ARHGEF11: variants seen among roughly 807,000 people sequenced by gnomAD.
ARHGEF11 encodes Rho guanine nucleotide exchange factor 11, also known as Rho guanine exchange factor (GEF) 11.
Under a neutral mutation model 193.7 loss-of-function variants are expected in ARHGEF11, and 55 were observed. The observed-to-expected ratio is 0.28, with a 90% CI of 0.23 to 0.36. The LOEUF (loss-of-function observed/expected upper bound fraction) is 0.36, where lower values mean the gene tolerates loss of function less well. Ranked by LOEUF, ARHGEF11 falls within the 10% of genes least tolerant of loss-of-function variation. The pLI, the probability that ARHGEF11 is intolerant of heterozygous loss-of-function variation, is 1.00. For synonymous variants in ARHGEF11, 693 were observed against 768.0 expected (o/e 0.90, Z 1.62); for missense variants, 1,723 against 2,005.6 (o/e 0.86, Z 2.69).
intron 1 of ARHGEF11, among the ~76,000 whole-genome samples, chr1:156,991,710 A>ATTTTTTTTTTTTTTTTTTT (rs57140356): frequency 4.8e-5 from 4 of 83,956 alleles, no homozygotes; most frequent in Non-Finnish European, 7.0e-5. Context: ...TTTCAAGCTT[A>ATTTTTTTTTTTTTTTTTTT]TTTTTTTTTT....
At position 156,947,692 on chromosome 1, in the gene ARHGEF11, C is replaced by T. The variant is rs563017291; in HGVS notation, c.2341+77G>A. The T allele has an allele frequency of 4.5e-6, 7 of 1,548,456 alleles. No individual in the cohort carries two copies. In the South Asian group the frequency reaches 6.1e-5, roughly 14 times the overall value. The stretch of plus-strand genomic sequence containing the variant: ...CCCCCCACCCTATTTACCTCTTTCC[C>T]ACCCTTGTGTCTTAGGCATTCTGGA... On this transcript the variant is annotated intron_variant, in intron 25 of 40. Transcript: ENST00000368194.
chr1:156,937,536 G>C, intron 38 of ARHGEF11, 40 bp from the exon 39 acceptor site: 1 of 1,502,004 alleles, frequency 6.7e-7, no homozygotes, highest in Non-Finnish European at 8.9e-7. Context: ...GAGGCAAACA[G>C]AGAAGTCGAA....
In ARHGEF11 at chr1:156,976,971, C is replaced by A. The variant is rs1363851659; in HGVS notation, c.582+12G>T. On this transcript the variant is annotated intron_variant, in intron 7 of 40. Coordinates refer to ENST00000368194, the MANE Select transcript of ARHGEF11 (RefSeq NM_198236.3). ...CAGGCAATGGCCAGTCTACCCTTGGCAGTGACCTTACCTGTAATTCTTTTT... is the reference window on the plus strand; with the variant it reads ...CAGGCAATGGCCAGTCTACCCTTGGAAGTGACCTTACCTGTAATTCTTTTT... 2 of 1,612,860 alleles carry A rather than the reference C, an allele frequency of 1.2e-6. No homozygotes were observed. Among genetic ancestry groups the A allele is most frequent in the Admixed American group, 3.3e-5 (2 of 60,020 alleles).
chr1:156,975,666 T>C (rs1377141533), intron 7 of ARHGEF11, among the ~76,000 whole-genome samples: 1 of 152,240 alleles, frequency 6.6e-6, no homozygotes, highest in Non-Finnish European at 1.5e-5. Flanking sequence ...AAATTTTTTC[T>C]AGGAGTTTTA....
intron 15 of ARHGEF11, among the ~76,000 whole-genome samples, chr1:156,959,676 C>T (rs994980958): frequency 6.6e-6 from 1 of 152,206 alleles, no homozygotes; most frequent in African/African-American, 2.4e-5. Context: ...TTACCCTATG[C>T]CTGGGCTTTC....
intron 1 of ARHGEF11, among the ~76,000 whole-genome samples, chr1:156,993,812 C>CAG: frequency 6.6e-6 from 1 of 152,314 alleles, no homozygotes; most frequent in East Asian, 1.9e-4. Flanking sequence ...CGGCTGTTTG[C>CAG]AGACAACCGC....
In ARHGEF11 at chr1:156,972,486, C is replaced by T. The variant is rs565748531; in HGVS notation, c.583-670G>A. ...GGAGTGAGATTATGTATATGAAGTG[C>T]TTAGCAGAATGTCTAGCGCAAAGTC... On this transcript the variant is annotated intron_variant, in intron 7 of 40. Coordinates refer to ENST00000368194, the MANE Select transcript of ARHGEF11 (RefSeq NM_198236.3). Among the ~76,000 whole-genome samples the T allele has an allele frequency of 2.0e-5, 3 of 152,342 alleles. No individual in the cohort carries two copies. In the South Asian group the frequency reaches 6.2e-4, roughly 32 times the overall value.
chr1:156,938,574 A>C, intron 37 of ARHGEF11, 61 bp from the exon 38 acceptor site: 1 of 1,535,378 alleles, frequency 6.5e-7, no homozygotes, highest in Non-Finnish European at 9.0e-7. Flanking sequence ...AAGGGAAGGG[A>C]GAGAGAACAG....
At chr1:157,006,862 C>T (rs866321653) in intron 1 of ARHGEF11, among the ~76,000 whole-genome samples, 1 of 152,204 alleles carries the variant, frequency 6.6e-6, no homozygotes, top group Non-Finnish European at 1.5e-5. Flanking sequence ...CCCAGTGAAG[C>T]ACCCTGAGAA....
chr1:156,995,036 CAATT>C (rs1209624444), intron 1 of ARHGEF11, among the ~76,000 whole-genome samples: 1 of 152,166 alleles, frequency 6.6e-6, no homozygotes, highest in African/African-American at 2.4e-5. Flanking sequence ...CAAATCCAAT[CAATT>C]GACAAGTCCT....
At chr1:156,950,956 T>G (rs1010415146) in intron 22 of ARHGEF11, among the ~76,000 whole-genome samples, 3 of 152,252 alleles carry the variant, frequency 2.0e-5, no homozygotes, top group African/African-American at 7.2e-5. Flanking sequence ...AGATGGGGAC[T>G]CTAGTTAGAA....
Position 156,968,083 on chromosome 1 carries a change from T to C in ARHGEF11, c.867A>G (p.Leu289=). ...NRNSVLSDPG[L]DSPRTSPVIM... Reference sequence around the variant, plus strand: ...TCACAGGGGAGGTTCGAGGACTGTCTAGCCCAGGGTCTGACAGTACCGAGT... The same window carrying C: ...TCACAGGGGAGGTTCGAGGACTGTCCAGCCCAGGGTCTGACAGTACCGAGT... The change falls in exon 11 of 41, where the codon CTA becomes CTG. Residue 289 remains leucine (L), a synonymous_variant. Coordinates refer to ENST00000368194, the MANE Select transcript of ARHGEF11 (RefSeq NM_198236.3). 3.1e-6 allele frequency: 5 copies of C among 1,614,144 alleles called. No homozygotes were observed. The highest frequency in any genetic ancestry group is 4.2e-6 in the Non-Finnish European group (5 of 1,179,974).
intron 1 of ARHGEF11, among the ~76,000 whole-genome samples, chr1:157,042,715 C>G (rs554637254): frequency 3.3e-5 from 5 of 152,286 alleles, no homozygotes; most frequent in Non-Finnish European, 5.9e-5. Flanking sequence ...TGTCTCACAT[C>G]AACCCAGGAA....
rs949330238 is a variant in ARHGEF11 at position 156,935,849 on chromosome 1, G to A, written c.*151C>T. On this transcript the variant is annotated 3_prime_UTR_variant, in exon 41 of 41. Transcript: ENST00000368194. ...GACTTGAGCAGACCAAGCAACATGC[G>A]GGTCTCCCCCCGGGCCTTGGCTGGA... is the stretch of plus-strand genomic sequence containing the variant. 18 of 832,798 alleles carry A rather than the reference G, an allele frequency of 2.2e-5. No homozygotes were observed. Among genetic ancestry groups the A allele is most frequent in the Admixed American group, 1.5e-4 (5 of 33,368 alleles). The allele number at this position is 832,798 out of a possible 1,614,324, so 51.6% of individuals were successfully genotyped here.
chr1:157,001,682 C>T (rs1163037997), intron 1 of ARHGEF11, among the ~76,000 whole-genome samples: 3 of 152,322 alleles, frequency 2.0e-5, no homozygotes, highest in South Asian at 2.1e-4. Flanking sequence ...GGGGAGATCC[C>T]AGACCATTCT....
chr1:156,988,416 A>G (rs1365328728), intron 1 of ARHGEF11, among the ~76,000 whole-genome samples: 2 of 152,178 alleles, frequency 1.3e-5, no homozygotes, highest in Admixed American at 1.3e-4. Context: ...ATGACTGCAC[A>G]GGGCTATCCA....
At chr1:156,977,532 C>A (rs184666800) in intron 6 of ARHGEF11, among the ~76,000 whole-genome samples, 1 of 152,330 alleles carries the variant, frequency 6.6e-6, no homozygotes, top group East Asian at 1.9e-4. Context: ...CCTGCCTCAG[C>A]CTCCTGAGTA....
chr1:156,992,180 A>G (rs1014218128), intron 1 of ARHGEF11, among the ~76,000 whole-genome samples: 2 of 152,218 alleles, frequency 1.3e-5, no homozygotes, highest in African/African-American at 4.8e-5. Flanking sequence ...TTGTAAAACT[A>G]AATAAATACC....
rs540397099 is a variant in ARHGEF11, at chr1:156,961,763, A to G, written c.1153T>C (p.Cys385Arg). Reference sequence around the variant, plus strand: ...CTTGCCTGCTGATAAACTTCTGCACACAGGTAAAAAAGCTAGGAGGAGAGA... The same window carrying G: ...CTTGCCTGCTGATAAACTTCTGCACGCAGGTAAAAAAGCTAGGAGGAGAGA... ...ADPSPLLFYL[C>R]AEVYQQASPK... Residue 385 changes from cysteine to arginine, a missense_variant, in exon 14 of 41, where the codon TGT becomes CGT. Cys to Arg is a radical substitution (Grantham distance 180). Transcript: ENST00000368194. The G allele has an allele frequency of 3.1e-6, 5 of 1,614,164 alleles. No individual in the cohort carries two copies. In the South Asian group the frequency reaches 3.3e-5, roughly 11 times the overall value.
Sources: gnomAD v4.1 joint callset for allele counts (sites outside exome capture counted in the v4.1 genomes callset) on GRCh38, gnomAD v4.1.1 for gene constraint, MANE v1.5 for transcripts, NCBI Gene and HGNC (gene_info 2026-07-23, HGNC 2026-07-21) for gene names.